Variants in EDAR observed in about 807,000 individuals in gnomAD.
EDAR encodes tumor necrosis factor receptor superfamily member EDAR.
In EDAR, 38 loss-of-function variants were observed where a neutral mutation model predicts 51.3. The observed-to-expected ratio is 0.74, with a 90% CI of 0.57 to 0.97. EDAR has a LOEUF of 0.97. Ranked by LOEUF, EDAR falls within the 50% of genes least tolerant of loss-of-function variation. The probability of loss-of-function intolerance (pLI) is 0.00; values close to 1 mark genes in which losing one functional copy is unlikely to be tolerated. For synonymous variants in EDAR, 227 were observed against 242.1 expected, an observed-to-expected ratio of 0.94 and a Z score of 0.58; for missense variants, 528 against 595.0, an observed-to-expected ratio of 0.89 and a Z score of 1.17.
Position 108,907,915 on chromosome 2 carries a change from A to G in EDAR, c.908T>C (p.Leu303Pro), listed in dbSNP as rs1202033906. 1.2e-6 allele frequency: 2 copies of G among 1,613,712 alleles called. No individual in the cohort carries two copies. Among genetic ancestry groups the G allele is most frequent in the Non-Finnish European group, 1.7e-6 (2 of 1,180,038 alleles). ...CTCCCTGGCCAGGTGAACCAGCGAC[A>G]GCAGGCACAGCTCCGGGGAGCCCTG... ...DKQGSPELCL[L>P]SLVHLAREKS... The change falls in exon 10 of 12, where the codon CTG becomes CCG. Residue 303 changes from leucine (L) to proline (P), a missense_variant. Leu to Pro is a moderately conservative substitution (Grantham distance 98, BLOSUM62 -3). Transcript: ENST00000258443.
intron 11 of EDAR, among the ~76,000 whole-genome samples, chr2:108,901,590 T>G (rs1447935008): frequency 2.0e-5 from 3 of 152,034 alleles, no homozygotes; most frequent in Non-Finnish European, 2.9e-5. Flanking sequence ...AGACACAAAT[T>G]ACCAATATCA....
In EDAR at chr2:108,900,852, A is replaced by G. The variant is rs144987636; in HGVS notation, c.1025-3623T>C. Among the ~76,000 whole-genome samples, 734 of 152,314 alleles carry G rather than the reference A, an allele frequency of 4.8e-3. 11 individuals are homozygous for G. The highest frequency in any genetic ancestry group is 0.017 in the African/African-American group (701 of 41,568). Reference sequence around the variant, plus strand: ...AGGGTCAATCCAAGAAGACATAGCAATCCTAAATGAATATGCACCAAACAA... The same window carrying G: ...AGGGTCAATCCAAGAAGACATAGCAGTCCTAAATGAATATGCACCAAACAA... On this transcript the variant is annotated intron_variant, in intron 11 of 11. Transcript: ENST00000258443.
intron 2 of EDAR, among the ~76,000 whole-genome samples, chr2:108,930,557 C>T (rs1292898224): frequency 6.6e-6 from 1 of 152,118 alleles, no homozygotes; most frequent in African/African-American, 2.4e-5. Flanking sequence ...GGAGGAGGCG[C>T]CCCTGTCCCC....
chr2:108,902,014 T>C (rs1346429849), intron 11 of EDAR, among the ~76,000 whole-genome samples: 1 of 151,078 alleles, frequency 6.6e-6, no homozygotes, highest in Non-Finnish European at 1.5e-5. Context: ...CCAAAGCAGG[T>C]GGACCACAAG....
chr2:108,954,875 G>T (rs896178232), intron 1 of EDAR, among the ~76,000 whole-genome samples: 1 of 151,980 alleles, frequency 6.6e-6, no homozygotes, highest in East Asian at 1.9e-4. Context: ...ATTGAGACGG[G>T]ATTTCACCAC....
chr2:108,912,700 A>T lies in EDAR; in HGVS notation c.507T>A (p.Ser169=). 6.3e-7 allele frequency: 1 copy of T among 1,599,764 alleles called. No homozygotes were observed. The highest frequency in any genetic ancestry group is 2.3e-5 in the East Asian group (1 of 44,404). ...FPGTSGSSTL[S]PFQHAHKELS... is the part of the protein sequence containing the mutation. ...CACCTTTGTGGGCGTGCTGGAAGGGAGACAGGGTGCTGCTGCCCGAGGTGC... is the reference window on the plus strand; with the variant it reads ...CACCTTTGTGGGCGTGCTGGAAGGGTGACAGGGTGCTGCTGCCCGAGGTGC... Residue 169 remains serine (S), a synonymous_variant, in exon 6 of 12, where the codon TCT becomes TCA. Transcript: ENST00000258443.
Position 108,978,840 on chromosome 2 carries a change from C to A in EDAR, c.-19+10120G>T, listed in dbSNP as rs78024266. Among the ~76,000 whole-genome samples the A allele has an allele frequency of 2.0e-5, 3 of 152,230 alleles. No individual in the cohort carries two copies. The East Asian group carries it at 5.8e-4, about 29-fold the overall frequency. ...ACCAATGAAGTTGTTAGCACAGCTG[C>A]AAATCTGGTTAAATTAAACCCAACA... On this transcript the variant is annotated intron_variant, in intron 1 of 11. Transcript: ENST00000258443.
At chr2:108,959,281 G>T (rs943453969) in intron 1 of EDAR, among the ~76,000 whole-genome samples, 1 of 152,184 alleles carries the variant, frequency 6.6e-6, no homozygotes, top group Non-Finnish European at 1.5e-5. Flanking sequence ...TGTGGTCTGC[G>T]ATCTGGGAAC....
Position 108,910,502 on chromosome 2 carries a change from T to G in EDAR, c.761A>C (p.Glu254Ala). The change falls in exon 9 of 12, where the codon GAA becomes GCA. Residue 254 changes from glutamate (E) to alanine (A), a missense_variant. Transcript: ENST00000258443. ...DNVVMFSEKDEFEKLTATPAK... is the reference protein window; with the variant it reads ...DNVVMFSEKDAFEKLTATPAK... Reference sequence around the variant, plus strand: ...TGGAGTTGCTGTCAGCTTCTCAAATTCATCCTTCTCGGAGAACATCACCAC... The same window carrying G: ...TGGAGTTGCTGTCAGCTTCTCAAATGCATCCTTCTCGGAGAACATCACCAC... 1.9e-6 allele frequency: 3 copies of G among 1,613,916 alleles called. No homozygotes were observed. The highest frequency in any genetic ancestry group is 2.5e-6 in the Non-Finnish European group (3 of 1,179,930).
intron 1 of EDAR, among the ~76,000 whole-genome samples, chr2:108,975,457 C>A (rs975646754): frequency 3.9e-5 from 6 of 152,152 alleles, no homozygotes; most frequent in Admixed American, 2.0e-4. Context: ...GAGAGCAAGA[C>A]CTGCGTCTAC....
chr2:108,972,861 C>T (rs1698260865), intron 1 of EDAR, among the ~76,000 whole-genome samples: 1 of 152,238 alleles, frequency 6.6e-6, no homozygotes, highest in African/African-American at 2.4e-5. Context: ...CTCCTCTTTG[C>T]CTTCTTGAAC....
At chr2:108,934,340 G>A (rs767597493) in intron 1 of EDAR, among the ~76,000 whole-genome samples, 19 of 152,104 alleles carry the variant, frequency 1.2e-4, no homozygotes, top group African/African-American at 3.9e-4. Flanking sequence ...GGGGGCTGAC[G>A]GCTCCCAGTC....
intron 5 of EDAR, 62 bp downstream of exon 5, chr2:108,923,306 C>T (rs1697185886): frequency 6.6e-7 from 1 of 1,506,244 alleles, no homozygotes; most frequent in African/African-American, 1.4e-5. Flanking sequence ...CCTACACCCT[C>T]TGTAGTGAAA....
At chr2:108,939,210 C>T (rs1574392759) in intron 1 of EDAR, among the ~76,000 whole-genome samples, 1 of 152,158 alleles carries the variant, frequency 6.6e-6, no homozygotes, top group Non-Finnish European at 1.5e-5. Context: ...TGGAGTCTTG[C>T]TCTGTCACCC....
Position 108,930,248 on chromosome 2 carries a change from A to G in EDAR, c.52-6T>C, listed in dbSNP as rs1011803037. The G allele has an allele frequency of 6.2e-7, 1 of 1,613,948 alleles. No individual in the cohort carries two copies. The highest frequency in any genetic ancestry group is 1.7e-5 in the Admixed American group (1 of 60,010). ...GCTGAGCACATCAGAGACACCTGCC[A>G]ACAAAGGGGGGTGTTGTGGCCTCCG... is the stretch of plus-strand genomic sequence containing the variant. On this transcript the variant is annotated splice_polypyrimidine_tract_variant and splice_region_variant and intron_variant, in intron 2 of 11. Coordinates refer to ENST00000258443, the MANE Select transcript of EDAR (RefSeq NM_022336.4).
rs552514549 is a variant in EDAR, at chr2:108,965,205, C to T, written c.-19+23755G>A. 4.3e-4 allele frequency among the ~76,000 whole-genome samples: 66 copies of T among 152,170 alleles called. No homozygotes were observed. The South Asian group carries it at 4.4e-3, about 10-fold the overall frequency. ...TTAATGACAACAAATGGGCCAGGCG[C>T]GGTGGCTCACGACTGTAATCCCAGC... On this transcript the variant is annotated intron_variant, in intron 1 of 11. Coordinates refer to ENST00000258443, the MANE Select transcript of EDAR (RefSeq NM_022336.4).
intron 1 of EDAR, among the ~76,000 whole-genome samples, chr2:108,965,257 C>T (rs1416538990): frequency 1.3e-5 from 2 of 152,056 alleles, no homozygotes; most frequent in Non-Finnish European, 2.9e-5. Flanking sequence ...GCAGGCGGAT[C>T]ATGAGGTCAG....
chr2:108,970,957 T>C (rs1319562681), intron 1 of EDAR, among the ~76,000 whole-genome samples: 1 of 152,144 alleles, frequency 6.6e-6, no homozygotes, highest in African/African-American at 2.4e-5. Context: ...ACAACCTAAT[T>C]TGTGGAAGAC....
At chr2:108,957,293 C>A (rs1697944266) in intron 1 of EDAR, among the ~76,000 whole-genome samples, 1 of 152,224 alleles carries the variant, frequency 6.6e-6, no homozygotes, top group Admixed American at 6.5e-5. Context: ...CTGGAAACAG[C>A]AACGCCTCTT....
Sources: allele counts gnomAD v4.1 joint callset (sites outside exome capture counted in the v4.1 genomes callset), GRCh38; gene constraint gnomAD v4.1.1; transcripts MANE v1.5; gene names NCBI Gene and HGNC (gene_info 2026-07-23, HGNC 2026-07-21).